The following CCN5 variants were observed in gnomAD, a reference collection of about 807,000 sequenced individuals.
The protein encoded by CCN5 is cellular communication network factor 5.
In CCN5, 17 loss-of-function variants were observed where a neutral mutation model predicts 18.7. The observed-to-expected ratio is 0.91, with a 90% confidence interval of 0.62 to 1.36. The LOEUF is 1.36. Among genes scored for constraint, CCN5 ranks in the 40% most tolerant of loss-of-function variants. The pLI is 0.00. For synonymous variants in CCN5, 135 were observed against 145.2 expected (o/e 0.93, Z 0.50); for missense variants, 367 against 342.9 (o/e 1.07, Z -0.56).
chr20:44,725,682 T>C (rs1450618885), intron 3 of CCN5, among the ~76,000 whole-genome samples: 1 of 150,436 alleles, frequency 6.6e-6, no homozygotes, highest in East Asian at 1.9e-4. Flanking sequence ...TATAATATAT[T>C]GATACATATT....
At chr20:44,717,038 G>GC (rs2145408652) in intron 1 of CCN5, among the ~76,000 whole-genome samples, 1 of 152,038 alleles carries the variant, frequency 6.6e-6, no homozygotes, top group East Asian at 1.9e-4. Context: ...CATGAGCCTT[G>GC]CCCCCCACCA....
chr20:44,725,070 C>T (rs2065927387), intron 3 of CCN5, 78 bp downstream of exon 3: 2 of 1,430,434 alleles, frequency 1.4e-6, no homozygotes, highest in South Asian at 1.6e-5. Flanking sequence ...GGGTGGGGGG[C>T]GGCTTCCTGG....
chr20:44,727,247 G>A lies in CCN5; in HGVS notation c.693G>A (p.Leu231=), dbSNP rs1480878678. 1.2e-6 allele frequency: 2 copies of A among 1,613,626 alleles called. No homozygotes were observed. The highest frequency in any genetic ancestry group is 1.3e-5 in the African/African-American group (1 of 74,934). Residue 231 remains leucine (L), a synonymous_variant, in exon 4 of 4, where the codon CTG becomes CTA. Coordinates refer to ENST00000190983, the MANE Select transcript of CCN5 (RefSeq NM_003881.4). ...RFCRLETQRR[L]CLSRPCPPSR... ...GCCGACTGGAGACCCAGCGCCGCCT[G>A]TGCCTGTCCAGGCCCTGCCCACCCT...
chr20:44,723,970 G>C (rs893821804), intron 2 of CCN5: 1 of 152,226 alleles, frequency 6.6e-6, no homozygotes, highest in Non-Finnish European at 1.5e-5. Context: ...CACACTGGCC[G>C]CCCCAGCCCT....
At chr20:44,725,448 A>G (rs1203606076) in intron 3 of CCN5, among the ~76,000 whole-genome samples, 3 of 152,088 alleles carry the variant, frequency 2.0e-5, no homozygotes, top group Non-Finnish European at 4.4e-5. Flanking sequence ...CAAAAAGAGG[A>G]AAAAAGAAAG....
In CCN5 at chr20:44,727,157, G is replaced by T. The variant is rs1273296534; in HGVS notation, c.603G>T (p.Trp201Cys). 1.9e-6 allele frequency: 3 copies of T among 1,613,714 alleles called. No homozygotes were observed. Among genetic ancestry groups the T allele is most frequent in the Non-Finnish European group, 1.7e-6 (2 of 1,179,858 alleles). The change falls in exon 4 of 4, where the codon TGG becomes TGT. Residue 201 changes from tryptophan (W) to cysteine (C), a missense_variant. By Grantham distance (215) the Trp-to-Cys change is radical. Coordinates refer to ENST00000190983, the MANE Select transcript of CCN5 (RefSeq NM_003881.4). ...CCTGCCCAGAATGGAGCACGGCCTG[G>T]GGACCCTGCTCGACCACCTGTGGGC... Reference protein sequence around the residue: ...GVPCPEWSTAWGPCSTTCGLG... With the variant: ...GVPCPEWSTACGPCSTTCGLG...
chr20:44,726,851 G>A (rs1200643644), intron 3 of CCN5, among the ~76,000 whole-genome samples: 1 of 152,172 alleles, frequency 6.6e-6, no homozygotes, highest in Non-Finnish European at 1.5e-5. Flanking sequence ...AACACACTCT[G>A]GTTGCCAAAT....
At chr20:44,724,415 TAA>T (rs920795888) in intron 2 of CCN5, 30 of 401,112 alleles carry the variant, frequency 7.5e-5, no homozygotes, top group African/African-American at 5.6e-4. Context: ...CCCTGGAAAA[TAA>T]GTACCATTAT....
upstream of CCN5, chr20:44,715,135 T>A: frequency 2.0e-6 from 1 of 493,032 alleles, no homozygotes. Context: ...GGCACCCCCT[T>A]GGTGGCCTTC....
upstream of CCN5, chr20:44,715,231 G>T (rs867168313): frequency 4.8e-5 from 22 of 462,470 alleles, no homozygotes; most frequent in Middle Eastern, 5.3e-4. Flanking sequence ...TAGTGTGTTT[G>T]TGTGTGTGTG....
chr20:44,719,584 G>C (rs978078681), intron 1 of CCN5, among the ~76,000 whole-genome samples: 1 of 152,212 alleles, frequency 6.6e-6, no homozygotes, highest in Non-Finnish European at 1.5e-5. Flanking sequence ...AACCCAGGAG[G>C]TGGAGGTTGA....
chr20:44,715,119 C>CAT (rs2065846505), upstream of CCN5: 1 of 473,044 alleles, frequency 2.1e-6, no homozygotes, highest in Non-Finnish European at 3.9e-6. Flanking sequence ...CACACACACA[C>CAT]GGACAGGCAC....
chr20:44,715,277 G>C (rs1387788225), upstream of CCN5: 1 of 770,588 alleles, frequency 1.3e-6, no homozygotes, highest in Admixed American at 2.1e-5. Flanking sequence ...GCGCGCGCGC[G>C]CGCGTGTGTA....
intron 2 of CCN5, chr20:44,721,044 G>A (rs1450002245): frequency 6.6e-6 from 1 of 152,186 alleles, no homozygotes; most frequent in Non-Finnish European, 1.5e-5. Flanking sequence ...GAAATGCAAA[G>A]AGGCAAGAGA....
At position 44,719,901 on chromosome 20, in the gene CCN5, G is replaced by A. The variant is rs759003113; in HGVS notation, c.65G>A (p.Arg22His). ...GTGAGGTCTCTGTCTCTTCAGGTGC[G>A]TACCCAGCTGTGCCCGACACCATGT... The part of the protein sequence containing the change: ...FSLLCLLSKV[R>H]TQLCPTPCTC... The change falls in exon 2 of 4, where the codon CGT becomes CAT. Residue 22 changes from arginine (R) to histidine (H), a missense_variant. Arg to His is a conservative substitution (Grantham distance 29). Coordinates refer to ENST00000190983, the MANE Select transcript of CCN5 (RefSeq NM_003881.4). 1.7e-4 allele frequency: 268 copies of A among 1,612,692 alleles called. No homozygotes were observed. Among genetic ancestry groups the A allele is most frequent in the Non-Finnish European group, 2.1e-4 (247 of 1,179,714 alleles).
intron 3 of CCN5, among the ~76,000 whole-genome samples, chr20:44,725,200 G>A (rs921664674): frequency 1.3e-5 from 2 of 151,556 alleles, no homozygotes; most frequent in Non-Finnish European, 2.9e-5. Context: ...TACGTTGGGA[G>A]GCCAAGACGG....
At chr20:44,720,335 C>T in intron 2 of CCN5, 1 of 565,926 alleles carries the variant, frequency 1.8e-6, no homozygotes, top group South Asian at 2.4e-5. Flanking sequence ...AATAACCTTT[C>T]CCCATCCCTA....
At chr20:44,726,406 C>T (rs1168844659) in intron 3 of CCN5, among the ~76,000 whole-genome samples, 1 of 152,122 alleles carries the variant, frequency 6.6e-6, no homozygotes, top group Non-Finnish European at 1.5e-5. Flanking sequence ...GGTTTCTCAA[C>T]GTCAGCACTA....
chr20:44,720,438 T>G, intron 2 of CCN5: 2 of 434,530 alleles, frequency 4.6e-6, no homozygotes, highest in Non-Finnish European at 8.2e-6. Flanking sequence ...ATGCCACCAC[T>G]CCCTTCTCAG....
Sources: gnomAD v4.1 joint callset for allele counts (sites outside exome capture counted in the v4.1 genomes callset) on GRCh38, gnomAD v4.1.1 for gene constraint, MANE v1.5 for transcripts, NCBI Gene and HGNC (gene_info 2026-07-23, HGNC 2026-07-21) for gene names.